The following SSBP3 variants were observed in gnomAD, a reference collection of about 807,000 sequenced individuals.
The protein encoded by SSBP3 is single stranded DNA binding protein 3.
Under a neutral mutation model 69.6 loss-of-function variants are expected in SSBP3, and 5 were observed. The ratio of observed to expected loss-of-function variants is 0.07; its 90% confidence interval spans 0.04 to 0.15. SSBP3 has a LOEUF of 0.15. Among genes scored for constraint, SSBP3 ranks in the 10% least tolerant of loss-of-function variants. The pLI is 1.00. For missense variants in SSBP3, 312 were observed against 534.0 expected (o/e 0.58, Z 4.10); for synonymous variants, 196 against 193.4 (o/e 1.01, Z -0.11).
chr1:54,368,642 A>AC (rs1188142011), intron 4 of SSBP3, among the ~76,000 whole-genome samples: 1 of 152,166 alleles, frequency 6.6e-6, no homozygotes, highest in East Asian at 1.9e-4. Context: ...TCTGCAATGC[A>AC]CCCTAGTACA....
At chr1:54,289,099 C>G (rs185219152) in intron 4 of SSBP3, among the ~76,000 whole-genome samples, 1 of 148,552 alleles carries the variant, frequency 6.7e-6, no homozygotes, top group East Asian at 2.1e-4. Flanking sequence ...AGGAAGAGTT[C>G]TGTGTGCTTT....
At chr1:54,329,372 A>C (rs1026276605) in intron 4 of SSBP3, among the ~76,000 whole-genome samples, 1 of 152,258 alleles carries the variant, frequency 6.6e-6, no homozygotes, top group Non-Finnish European at 1.5e-5. Flanking sequence ...GGCATGTTAG[A>C]TCAGGGACAA....
intron 4 of SSBP3, among the ~76,000 whole-genome samples, chr1:54,380,058 CAG>C (rs919363152): frequency 6.6e-6 from 1 of 152,148 alleles, no homozygotes; most frequent in Non-Finnish European, 1.5e-5. Context: ...GCTCTCTGGT[CAG>C]AGAGGAAAAT....
chr1:54,362,027 CTTGGGTGGT>C (rs1219812393), intron 4 of SSBP3, among the ~76,000 whole-genome samples: 3 of 152,156 alleles, frequency 2.0e-5, no homozygotes, highest in Non-Finnish European at 2.9e-5. Flanking sequence ...GCAAAGATTT[CTTGGGTGGT>C]TTAAGGCAAA....
intron 14 of SSBP3, among the ~76,000 whole-genome samples, chr1:54,234,663 C>G (rs925795261): frequency 1.3e-5 from 2 of 152,108 alleles, no homozygotes; most frequent in Non-Finnish European, 2.9e-5. Context: ...AACAATGTTT[C>G]TTTCTGCCCT....
At chr1:54,365,188 T>C (rs1324655893) in intron 4 of SSBP3, among the ~76,000 whole-genome samples, 2 of 152,148 alleles carry the variant, frequency 1.3e-5, no homozygotes, top group East Asian at 1.9e-4. Flanking sequence ...TAAAATTAAT[T>C]AGCTGCCGTA....
chr1:54,356,377 A>C (rs1401346255), intron 4 of SSBP3: 5 of 152,194 alleles, frequency 3.3e-5, no homozygotes, highest in African/African-American at 9.7e-5. Context: ...CCCACCAAAC[A>C]ACCTGATCGG....
chr1:54,243,376 A>C (rs567325751), intron 9 of SSBP3, 77 bp from the exon 10 acceptor site: 1 of 1,511,994 alleles, frequency 6.6e-7, no homozygotes, highest in South Asian at 1.1e-5. Context: ...ACAAACAGAC[A>C]AAACATAGTG....
chr1:54,251,458 G>A (rs1033804776), intron 9 of SSBP3, among the ~76,000 whole-genome samples, 158 bp downstream of exon 9: 1 of 152,236 alleles, frequency 6.6e-6, no homozygotes, highest in Non-Finnish European at 1.5e-5. Flanking sequence ...AAGCCAGCCT[G>A]CCACAGGAAG....
intron 4 of SSBP3, among the ~76,000 whole-genome samples, chr1:54,349,448 T>C (rs932803111): frequency 1.3e-5 from 2 of 152,232 alleles, no homozygotes; most frequent in Non-Finnish European, 2.9e-5. Flanking sequence ...ACTGACCATC[T>C]TGGGGACAGA....
intron 4 of SSBP3, 49 bp from the exon 5 acceptor site, chr1:54,281,576 G>A: frequency 6.6e-7 from 1 of 1,507,256 alleles, no homozygotes; most frequent in South Asian, 1.2e-5. Flanking sequence ...CACAACCAGA[G>A]ACACAGAGTT....
upstream of SSBP3, among the ~76,000 whole-genome samples, chr1:54,407,655 T>TAAA (rs1384258824): frequency 6.6e-6 from 1 of 151,860 alleles, no homozygotes; most frequent in African/African-American, 2.4e-5. Context: ...ACTGTCTCTT[T>TAAA]AAAAGAGTCA....
rs59276509 is a variant in SSBP3, at chr1:54,396,193, GAAAAAA to G, written c.276+5662_276+5667del. On this transcript the variant is annotated intron_variant, in intron 4 of 17. Transcript: ENST00000610401. The stretch of plus-strand genomic sequence containing the variant: ...GGTGACAGAGTGAGACTCCATCTCA[GAAAAAA>G]AAAAAAAAAAAAAAAAAAAACAACC... Among the ~76,000 whole-genome samples the G allele has an allele frequency of 1.7e-3, 67 of 40,574 alleles. 1 individual carries two copies. The highest frequency in any genetic ancestry group is 6.2e-3 in the African/African-American group (64 of 10,404). The allele number at this position is 40,574 out of a possible 152,430, so 26.6% of individuals were successfully genotyped here. A position where few individuals can be genotyped will look rare whatever the true frequency, so the allele number is the denominator to read the frequency against.
chr1:54,327,771 G>C (rs909223296), intron 4 of SSBP3, among the ~76,000 whole-genome samples: 3 of 152,104 alleles, frequency 2.0e-5, no homozygotes, highest in African/African-American at 7.2e-5. Flanking sequence ...CCAGGGAAAA[G>C]GACAACAGAT....
At chr1:54,308,709 A>G (rs531595868) in intron 4 of SSBP3, among the ~76,000 whole-genome samples, 1 of 152,244 alleles carries the variant, frequency 6.6e-6, no homozygotes, top group South Asian at 2.1e-4. Flanking sequence ...CAGAGGCTGC[A>G]GTAAGCCAAG....
intron 4 of SSBP3, among the ~76,000 whole-genome samples, chr1:54,384,404 G>A (rs750918950): frequency 1.3e-5 from 2 of 152,226 alleles, no homozygotes; most frequent in Non-Finnish European, 2.9e-5. Flanking sequence ...GGGGCCCTGG[G>A]AGGTGGGCAG....
At chr1:54,338,012 G>T (rs762705590) in intron 4 of SSBP3, among the ~76,000 whole-genome samples, 1 of 152,090 alleles carries the variant, frequency 6.6e-6, no homozygotes, top group Admixed American at 6.5e-5. Context: ...GTCCCAGGCC[G>T]ACTGAGAAAT....
chr1:54,381,114 G>T (rs1569999023), intron 4 of SSBP3, among the ~76,000 whole-genome samples: 1 of 151,982 alleles, frequency 6.6e-6, no homozygotes, highest in Admixed American at 6.6e-5. Flanking sequence ...GCTGGAAGTG[G>T]TGACTCACGC....
intron 4 of SSBP3, among the ~76,000 whole-genome samples, chr1:54,352,577 T>C (rs1315164394): frequency 3.9e-5 from 6 of 152,098 alleles, no homozygotes; most frequent in Admixed American, 6.5e-5. Flanking sequence ...GGTCTTACTA[T>C]AGTAATGTTA....
Sources: allele counts gnomAD v4.1 joint callset (sites outside exome capture counted in the v4.1 genomes callset), GRCh38; gene constraint gnomAD v4.1.1; transcripts MANE v1.5; gene names NCBI Gene and HGNC (gene_info 2026-07-23, HGNC 2026-07-21).